QSER1: variants seen among roughly 807,000 people sequenced by gnomAD.
The protein encoded by QSER1 is glutamine and serine-rich protein 1.
A neutral mutation model predicts 158.5 loss-of-function variants in QSER1; 49 were observed. The observed-to-expected ratio is 0.31, with a 90% CI of 0.25 to 0.39. The LOEUF (loss-of-function observed/expected upper bound fraction) is 0.39, where lower values mean the gene tolerates loss of function less well. Among genes scored for constraint, QSER1 ranks in the 10% least tolerant of loss-of-function variants. The pLI is 1.00. For synonymous variants in QSER1, 650 were observed against 715.5 expected (o/e 0.91, Z 1.46); for missense variants, 1,754 against 2,010.3 (o/e 0.87, Z 2.44).
At chr11:32,937,957 A>C (rs1852177560) in intron 4 of QSER1, among the ~76,000 whole-genome samples, 1 of 152,220 alleles carries the variant, frequency 6.6e-6, no homozygotes, top group Non-Finnish European at 1.5e-5. Flanking sequence ...AGACAGAATT[A>C]GTGCTCCTAT....
intron 8 of QSER1, among the ~76,000 whole-genome samples, chr11:32,964,578 A>G (rs1326241430): frequency 6.6e-6 from 1 of 151,830 alleles, no homozygotes; most frequent in Non-Finnish European, 1.5e-5. Context: ...ACATACACCT[A>G]CTATAGGCCA....
chr11:32,976,434 T>G lies in QSER1; in HGVS notation c.5555T>G (p.Phe1852Cys). ...VKWVEDLFEKFGELLNHVQQK... is the reference protein window; with the variant it reads ...VKWVEDLFEKCGELLNHVQQK... ...TGGGTGGAGGACCTCTTTGAAAAAT[T>G]TGGAGAACTTCTAAATCATGTACAG... is the stretch of plus-strand genomic sequence containing the variant. The change falls in exon 13 of 13, where the codon TTT (phenylalanine) becomes TGT (cysteine). Residue 1852 changes from phenylalanine (F) to cysteine (C), a missense_variant. Phe to Cys is a radical substitution (Grantham distance 205). This residue lies in a region of QSER1 where 47 missense variants were observed against 90.7 expected (regional missense o/e 0.52). Transcript: ENST00000650167. 6.2e-7 allele frequency: 1 copy of G among 1,609,144 alleles called. No homozygotes were observed.
intron 9 of QSER1, 137 bp from the exon 10 acceptor site, chr11:32,968,909 A>G (rs1001672069): frequency 1.1e-5 from 6 of 535,136 alleles, no homozygotes; most frequent in Non-Finnish European, 1.6e-5. Context: ...TTCATGTCCA[A>G]TTTTTTTGCA....
intron 11 of QSER1, 88 bp downstream of exon 11, chr11:32,973,637 T>C: frequency 7.9e-7 from 1 of 1,272,834 alleles, no homozygotes; most frequent in Non-Finnish European, 1.1e-6. Context: ...GCAAATATTT[T>C]ACTATGTTGT....
chr11:32,907,529 A>G (rs1310113187), intron 1 of QSER1, among the ~76,000 whole-genome samples: 3 of 152,360 alleles, frequency 2.0e-5, no homozygotes, highest in East Asian at 1.9e-4. Context: ...AGACTAAGCC[A>G]CAAACAAAAG....
In QSER1 at chr11:32,977,929, A is replaced by G. The variant is rs770009354; in HGVS notation, c.*1455A>G. ...CCAAATAAGACACGCGGATATTGCTATTGTCTTGCTTTTGAGTTAACAGGC... is the reference window on the plus strand; with the variant it reads ...CCAAATAAGACACGCGGATATTGCTGTTGTCTTGCTTTTGAGTTAACAGGC... On this transcript the variant is annotated 3_prime_UTR_variant, in exon 13 of 13. Coordinates refer to ENST00000650167, the MANE Select transcript of QSER1 (RefSeq NM_001076786.3). 7.9e-5 allele frequency: 12 copies of G among 152,586 alleles called. No homozygotes were observed. The highest frequency in any genetic ancestry group is 1.6e-4 in the Non-Finnish European group (11 of 68,016). The allele number at this position is 152,586 out of a possible 1,614,324, so 9.5% of individuals were successfully genotyped here. A position where few individuals can be genotyped will look rare whatever the true frequency, so the allele number is the denominator to read the frequency against.
rs1409263841 is a variant in QSER1 at position 32,977,457 on chromosome 11, AAATAAACTTCTT to A, written c.*985_*996del. Reference sequence around the variant, plus strand: ...CACTGCAGTAATTTTCTAATTCATAAAATAAACTTCTTACTAAACTAGCACTTGATTAACTTG... The same window carrying A: ...CACTGCAGTAATTTTCTAATTCATAAACTAAACTAGCACTTGATTAACTTG... On this transcript the variant is annotated 3_prime_UTR_variant, in exon 13 of 13. Coordinates refer to ENST00000650167, the MANE Select transcript of QSER1 (RefSeq NM_001076786.3). 2.0e-5 allele frequency: 3 copies of A among 152,658 alleles called. No individual in the cohort carries two copies. Among genetic ancestry groups the A allele is most frequent in the Non-Finnish European group, 4.4e-5 (3 of 68,024 alleles). The allele number at this position is 152,658 out of a possible 1,614,324, so 9.5% of individuals were successfully genotyped here.
At chr11:32,894,107 A>G (rs2133479825) in intron 1 of QSER1, among the ~76,000 whole-genome samples, 1 of 152,302 alleles carries the variant, frequency 6.6e-6, no homozygotes, top group Admixed American at 6.5e-5. Flanking sequence ...TGAAGGCCGT[A>G]AAGGTTGAAG....
chr11:32,940,981 T>G (rs1325778519), intron 4 of QSER1, among the ~76,000 whole-genome samples: 2 of 151,990 alleles, frequency 1.3e-5, no homozygotes, highest in Non-Finnish European at 2.9e-5. Context: ...TCTTTCTGGC[T>G]TCTTGAGTTT....
rs576704125 is a variant in QSER1, at chr11:32,959,391, C to T, written c.4969+1305C>T. Among the ~76,000 whole-genome samples, 6 of 152,178 alleles carry T rather than the reference C, an allele frequency of 3.9e-5. No individual in the cohort carries two copies. The South Asian group carries it at 1.2e-3, about 32-fold the overall frequency. ...AGGGATGATGAAAGACCTTGTATGC[C>T]ATAATAAAGCTAAAAAGCTTGTGAT... On this transcript the variant is annotated intron_variant, in intron 8 of 12. Transcript: ENST00000650167.
At chr11:32,968,911 T>G (rs1852798905) in intron 9 of QSER1, 135 bp from the exon 10 acceptor site, 1 of 539,438 alleles carries the variant, frequency 1.9e-6, no homozygotes, top group African/African-American at 2.0e-5. Context: ...CATGTCCAAT[T>G]TTTTTGCAAT....
At position 32,932,469 on chromosome 11, in the gene QSER1, C is replaced by T. The variant is rs1323760444; in HGVS notation, c.1211C>T (p.Pro404Leu). 1.2e-6 allele frequency: 2 copies of T among 1,613,662 alleles called. No individual in the cohort carries two copies. The highest frequency in any genetic ancestry group is 3.3e-5 in the Admixed American group (2 of 59,984). ...GCGATTCCATCATCAGGGTATCCTC[C>T]TTCTACTACAAAAATAAAAAGCTGT... ...SSAIPSSGYP[P>L]STTKIKSCST... The change falls in exon 4 of 13, where the codon CCT becomes CTT. Residue 404 changes from proline (P) to leucine (L), a missense_variant. This residue lies in a region of QSER1 where 1,707 missense variants were observed against 1,919.6 expected (regional missense o/e 0.89). Transcript: ENST00000650167.
intron 6 of QSER1, 91 bp downstream of exon 6, chr11:32,955,503 AT>A: frequency 1.7e-6 from 1 of 605,990 alleles, no homozygotes. Flanking sequence ...TATATTGAAT[AT>A]TTTTGATATA....
intron 1 of QSER1, among the ~76,000 whole-genome samples, chr11:32,919,978 T>C (rs1851880716): frequency 6.6e-6 from 1 of 152,328 alleles, no homozygotes; most frequent in East Asian, 1.9e-4. Context: ...CCTTTCTTTT[T>C]AGCACTTTCT....
At chr11:32,936,204 A>G in intron 4 of QSER1, among the ~76,000 whole-genome samples, 1 of 106,058 alleles carries the variant, frequency 9.4e-6, no homozygotes, top group Non-Finnish European at 1.9e-5. Flanking sequence ...CCAGCCCACA[A>G]CAGGCCCTGG....
At chr11:32,973,126 G>A (rs1348536976) in intron 10 of QSER1, among the ~76,000 whole-genome samples, 2 of 152,204 alleles carry the variant, frequency 1.3e-5, no homozygotes. Flanking sequence ...AGTTGGCTCA[G>A]ATTTAAGGGA....
intron 4 of QSER1, among the ~76,000 whole-genome samples, chr11:32,953,032 A>T (rs1420849912): frequency 3.3e-5 from 5 of 151,260 alleles, no homozygotes; most frequent in Admixed American, 1.3e-4. Context: ...CAAACTCCTG[A>T]CCTCGTGATC....
At position 32,956,658 on chromosome 11, in the gene QSER1, A is replaced by G. The variant is rs183423956; in HGVS notation, c.4751+537A>G. ...GCATGAGAAGCAGGTATGACCGTAG[A>G]TGTTCTTACTCCAGTGCCAAGTAGG... On this transcript the variant is annotated intron_variant, in intron 7 of 12. Coordinates refer to ENST00000650167, the MANE Select transcript of QSER1 (RefSeq NM_001076786.3). 1.6e-3 allele frequency among the ~76,000 whole-genome samples: 247 copies of G among 152,284 alleles called. No individual in the cohort carries two copies. In the Middle Eastern group the frequency reaches 0.017, roughly 10 times the overall value.
At chr11:32,924,552 C>A (rs1180501476) in intron 1 of QSER1, among the ~76,000 whole-genome samples, 6 of 142,998 alleles carry the variant, frequency 4.2e-5, no homozygotes, top group South Asian at 2.2e-4. Flanking sequence ...CGGAGTGAGA[C>A]CCTGTCTCAA....
Sources: allele counts gnomAD v4.1 joint callset (sites outside exome capture counted in the v4.1 genomes callset), GRCh38; gene constraint gnomAD v4.1.1; regional missense constraint gnomAD v4.1.1; transcripts MANE v1.5; gene names NCBI Gene and HGNC (gene_info 2026-07-23, HGNC 2026-07-21).